Variants in NKAIN2 observed in about 807,000 individuals in gnomAD.
The protein encoded by NKAIN2 is sodium/potassium transporting ATPase interacting 2, also known as sodium/potassium-transporting ATPase subunit beta-1-interacting protein 2.
Under a neutral mutation model 32.6 loss-of-function variants are expected in NKAIN2, and 14 were observed. The ratio of observed to expected loss-of-function variants is 0.43; its 90% CI spans 0.28 to 0.67. NKAIN2 has a LOEUF of 0.67. Among genes scored for constraint, NKAIN2 ranks in the 30% least tolerant of loss-of-function variants. The pLI is 0.17. For synonymous variants in NKAIN2, 80 were observed against 87.2 expected (o/e 0.92, Z 0.46); for missense variants, 198 against 258.3 (o/e 0.77, Z 1.60).
At chr6:123,944,478 A>G (rs1000924778) in intron 1 of NKAIN2, among the ~76,000 whole-genome samples, 3 of 151,976 alleles carry the variant, frequency 2.0e-5, no homozygotes, top group African/African-American at 7.2e-5. Flanking sequence ...TTCCTCAACT[A>G]GTTCAGGAAG....
chr6:124,246,120 A>C (rs960036699), intron 1 of NKAIN2, among the ~76,000 whole-genome samples: 2 of 152,058 alleles, frequency 1.3e-5, no homozygotes, highest in Non-Finnish European at 2.9e-5. Context: ...TCTCTGTTTT[A>C]ACCATAGTTT....
chr6:124,354,319 A>C (rs867852805), intron 2 of NKAIN2, among the ~76,000 whole-genome samples: 3 of 152,300 alleles, frequency 2.0e-5, no homozygotes, highest in South Asian at 2.1e-4. Context: ...TGGTCTTTGC[A>C]TTCTCAGTGT....
chr6:123,995,046 G>A (rs1396905048), intron 1 of NKAIN2, among the ~76,000 whole-genome samples: 1 of 152,190 alleles, frequency 6.6e-6, no homozygotes, highest in African/African-American at 2.4e-5. Flanking sequence ...AAAAGCATAA[G>A]GTGAGGGAAG....
At chr6:123,856,865 T>A (rs1019492266) in intron 1 of NKAIN2, among the ~76,000 whole-genome samples, 1 of 152,176 alleles carries the variant, frequency 6.6e-6, no homozygotes, top group Admixed American at 6.5e-5. Context: ...ATTAAATCAA[T>A]TTAATCACAT....
intron 1 of NKAIN2, among the ~76,000 whole-genome samples, chr6:123,875,586 C>T (rs1236612510): frequency 6.6e-5 from 10 of 151,904 alleles, no homozygotes; most frequent in Admixed American, 3.3e-4. Flanking sequence ...GTTTTCTAAT[C>T]GGACTTTTCT....
chr6:124,703,912 T>C (rs540924499), intron 4 of NKAIN2, among the ~76,000 whole-genome samples: 3 of 152,060 alleles, frequency 2.0e-5, no homozygotes, highest in African/African-American at 7.2e-5. Context: ...TAAAAAGGCT[T>C]TTTCATGTAT....
At chr6:124,272,963 T>C (rs1016010361) in intron 1 of NKAIN2, among the ~76,000 whole-genome samples, 1 of 152,242 alleles carries the variant, frequency 6.6e-6, no homozygotes, top group African/African-American at 2.4e-5. Flanking sequence ...ATTTACCCAA[T>C]GCCTGTTCCC....
chr6:123,965,347 G>T (rs888147211), intron 1 of NKAIN2, among the ~76,000 whole-genome samples: 10 of 152,146 alleles, frequency 6.6e-5, no homozygotes, highest in African/African-American at 2.2e-4. Flanking sequence ...GATTAGAAAT[G>T]TTCTTAGAGC....
intron 3 of NKAIN2, among the ~76,000 whole-genome samples, chr6:124,513,425 G>A (rs944691115): frequency 6.6e-6 from 1 of 152,008 alleles, no homozygotes; most frequent in Non-Finnish European, 1.5e-5. Flanking sequence ...ACCATTTTGT[G>A]GCAATATTGT....
At chr6:123,847,251 C>A (rs540783993) in intron 1 of NKAIN2, among the ~76,000 whole-genome samples, 1 of 152,258 alleles carries the variant, frequency 6.6e-6, no homozygotes, top group Non-Finnish European at 1.5e-5. Context: ...TATGCAGTGC[C>A]AATATCCTGA....
chr6:124,293,222 A>G (rs1795897290), intron 2 of NKAIN2, among the ~76,000 whole-genome samples: 2 of 152,020 alleles, frequency 1.3e-5, no homozygotes, highest in South Asian at 4.1e-4. Context: ...ATCTCTTTAA[A>G]ATTTTTGGAT....
chr6:124,089,871 A>G (rs1467027204), intron 1 of NKAIN2, among the ~76,000 whole-genome samples: 1 of 151,972 alleles, frequency 6.6e-6, no homozygotes, highest in African/African-American at 2.4e-5. Flanking sequence ...TATACAGTTT[A>G]TGTAAGTTGC....
intron 4 of NKAIN2, among the ~76,000 whole-genome samples, chr6:124,726,481 A>T (rs1431420815): frequency 6.6e-6 from 1 of 151,006 alleles, no homozygotes; most frequent in Non-Finnish European, 1.5e-5. Context: ...ATTCCAACAG[A>T]CCTGCAGCTG....
At chr6:124,428,251 T>C (rs569777666) in intron 3 of NKAIN2, among the ~76,000 whole-genome samples, 2 of 152,294 alleles carry the variant, frequency 1.3e-5, no homozygotes, top group South Asian at 2.1e-4. Flanking sequence ...TAGCTTTTCA[T>C]GGAATGAGTA....
intron 1 of NKAIN2, among the ~76,000 whole-genome samples, chr6:123,961,443 C>G (rs1428973427): frequency 2.6e-5 from 4 of 152,178 alleles, no homozygotes; most frequent in Non-Finnish European, 5.9e-5. Flanking sequence ...TGGTATTTTT[C>G]AGCATAATGC....
At chr6:124,790,415 T>C (rs991066310) in intron 4 of NKAIN2, among the ~76,000 whole-genome samples, 4 of 152,030 alleles carry the variant, frequency 2.6e-5, no homozygotes, top group African/African-American at 9.7e-5. Context: ...ACACTGAATA[T>C]TATTGTGTGG....
chr6:124,080,487 T>C (rs1446236476), intron 1 of NKAIN2, among the ~76,000 whole-genome samples: 1 of 152,148 alleles, frequency 6.6e-6, no homozygotes, highest in African/African-American at 2.4e-5. Flanking sequence ...TTCTTGCTTG[T>C]GTGTCTTAAA....
chr6:124,296,827 C>A (rs956628935), intron 2 of NKAIN2, among the ~76,000 whole-genome samples: 1 of 152,146 alleles, frequency 6.6e-6, no homozygotes, highest in Non-Finnish European at 1.5e-5. Context: ...AGACCCAGAA[C>A]CTTTACTGGG....
chr6:124,355,921 G>T (rs1408674206), intron 3 of NKAIN2, among the ~76,000 whole-genome samples: 1 of 151,996 alleles, frequency 6.6e-6, no homozygotes, highest in Non-Finnish European at 1.5e-5. Flanking sequence ...TCACATGGAT[G>T]CCCTTACTAC....
Sources: allele counts gnomAD v4.1 joint callset (sites outside exome capture counted in the v4.1 genomes callset), GRCh38; gene constraint gnomAD v4.1.1; transcripts MANE v1.5; gene names NCBI Gene and HGNC (gene_info 2026-07-23, HGNC 2026-07-21).